GOLGA1: variants seen among roughly 807,000 people sequenced by gnomAD.
GOLGA1 encodes golgin A1.
Under a neutral mutation model 119.7 loss-of-function variants are expected in GOLGA1, and 63 were observed. The ratio of observed to expected loss-of-function variants is 0.53; its 90% CI spans 0.43 to 0.65. The LOEUF is 0.65. Ranked by LOEUF, GOLGA1 falls within the 30% of genes least tolerant of loss-of-function variation. The pLI is 0.00. For synonymous variants in GOLGA1, 318 were observed against 333.4 expected (o/e 0.95, Z 0.50); for missense variants, 798 against 912.8 (o/e 0.87, Z 1.62).
In GOLGA1 at chr9:124,918,003, C is replaced by G. The variant is rs533352669; in HGVS notation, c.843+3126G>C. Among the ~76,000 whole-genome samples the G allele has an allele frequency of 2.6e-5, 4 of 152,100 alleles. No homozygotes were observed. The East Asian group carries it at 7.7e-4, about 29-fold the overall frequency. ...AAGTAGCTGGGATTACAGGTGTGTGCCACCATGCCCAGCTAATTTTGTATT... is the reference window on the plus strand; with the variant it reads ...AAGTAGCTGGGATTACAGGTGTGTGGCACCATGCCCAGCTAATTTTGTATT... On this transcript the variant is annotated intron_variant, in intron 10 of 22. Coordinates refer to ENST00000373555, the MANE Select transcript of GOLGA1 (RefSeq NM_002077.4).
intron 4 of GOLGA1, among the ~76,000 whole-genome samples, chr9:124,929,976 T>C (rs947788111): frequency 7.2e-5 from 11 of 152,198 alleles, no homozygotes; most frequent in African/African-American, 2.7e-4. Flanking sequence ...AGTTTCTTCA[T>C]ATATTAAATG....
chr9:124,893,905 T>C (rs1727596609), intron 15 of GOLGA1, among the ~76,000 whole-genome samples: 1 of 152,204 alleles, frequency 6.6e-6, no homozygotes, highest in Non-Finnish European at 1.5e-5. Flanking sequence ...GGCCAGTTTT[T>C]CTGGGAGTCC....
At position 124,926,753 on chromosome 9, in the gene GOLGA1, C is replaced by A; in HGVS notation, c.400-12G>T. On this transcript the variant is annotated splice_polypyrimidine_tract_variant and intron_variant, in intron 6 of 22. Coordinates refer to ENST00000373555, the MANE Select transcript of GOLGA1 (RefSeq NM_002077.4). Reference sequence around the variant, plus strand: ...TTTTCTGACCATTCCTAAAACAAAACAATAAAAAAGTATGGTTTCCAGTGA... The same window carrying A: ...TTTTCTGACCATTCCTAAAACAAAAAAATAAAAAAGTATGGTTTCCAGTGA... The A allele has an allele frequency of 6.6e-7, 1 of 1,516,768 alleles. No individual in the cohort carries two copies. Among genetic ancestry groups the A allele is most frequent in the Non-Finnish European group, 9.1e-7 (1 of 1,104,468 alleles). 94.0% of individuals were successfully genotyped at this position (1,516,768 alleles called of 1,614,324 possible).
At chr9:124,883,795 G>A (rs1002760293) in intron 19 of GOLGA1, among the ~76,000 whole-genome samples, 4 of 151,208 alleles carry the variant, frequency 2.6e-5, no homozygotes, top group African/African-American at 4.9e-5. Flanking sequence ...TGCCCAGGCT[G>A]GATTCAGTCT....
chr9:124,912,059 G>A (rs1166873757), intron 10 of GOLGA1, 33 bp from the exon 11 acceptor site: 4 of 1,599,052 alleles, frequency 2.5e-6, no homozygotes, highest in Non-Finnish European at 3.4e-6. Flanking sequence ...CTCTATACTA[G>A]AAGCCCTCTC....
At chr9:124,913,342 C>T (rs994339594) in intron 10 of GOLGA1, among the ~76,000 whole-genome samples, 7 of 152,182 alleles carry the variant, frequency 4.6e-5, no homozygotes, top group African/African-American at 1.7e-4. Flanking sequence ...TGAGTTCTTA[C>T]ATCCCCACTG....
chr9:124,914,509 A>G (rs545542970), intron 10 of GOLGA1, among the ~76,000 whole-genome samples: 54 of 152,326 alleles, frequency 3.5e-4, no homozygotes, highest in Non-Finnish European at 6.8e-4. Context: ...CAAAGAAAAA[A>G]AAAAAGGAAA....
Position 124,888,144 on chromosome 9 carries a change from G to A in GOLGA1, c.1905+109C>T. The A allele has an allele frequency of 3.1e-6, 3 of 981,976 alleles. No homozygotes were observed. In the Admixed American group the frequency reaches 5.5e-5, roughly 18 times the overall value. 60.8% of individuals were successfully genotyped at this position (981,976 alleles called of 1,614,324 possible). On this transcript the variant is annotated intron_variant, in intron 19 of 22. Transcript: ENST00000373555. The surrounding 1 kb of genome is among the most constrained non-coding windows in gnomAD (Gnocchi z 4.4). ...TGGGTGAGAGGGGTCATGGTTGCCA[G>A]GAGGTGCGGGGGAAACCACAAAAAC...
intron 12 of GOLGA1, among the ~76,000 whole-genome samples, chr9:124,906,116 A>AAATAAATAAATAAAT (rs1397951241): frequency 6.9e-6 from 1 of 145,038 alleles, no homozygotes; most frequent in Non-Finnish European, 1.5e-5. Context: ...GTGTCTCCAA[A>AAATAAATAAATAAAT]AAATAAATAA....
upstream of GOLGA1, chr9:124,944,552 A>G (rs1480552022): frequency 2.0e-5 from 3 of 149,174 alleles, no homozygotes; most frequent in African/African-American, 7.4e-5. Flanking sequence ...CTCCTGAGTA[A>G]TAAAAATTCT....
At position 124,919,870 on chromosome 9, in the gene GOLGA1, C is replaced by T. The variant is rs192037809; in HGVS notation, c.843+1259G>A. ...CAATGCAATGGACAATCATACAATA[C>T]GAGTTGTTCTGCTCAAAATGCCAAT... On this transcript the variant is annotated intron_variant, in intron 10 of 22. Transcript: ENST00000373555. Among the ~76,000 whole-genome samples, 229 of 152,160 alleles carry T rather than the reference C, an allele frequency of 1.5e-3. 1 individual carries two copies. The highest frequency in any genetic ancestry group is 5.0e-3 in the South Asian group (24 of 4,820).
Position 124,881,128 on chromosome 9 carries a change from C to T in GOLGA1, c.2223+43G>A, listed in dbSNP as rs755615121. The T allele has an allele frequency of 4.8e-6, 5 of 1,039,234 alleles. No individual in the cohort carries two copies. Among genetic ancestry groups the T allele is most frequent in the Non-Finnish European group, 7.6e-6 (5 of 653,616 alleles). 64.4% of individuals were successfully genotyped at this position (1,039,234 alleles called of 1,614,324 possible). A position where few individuals can be genotyped will look rare whatever the true frequency, so the allele number is the denominator to read the frequency against. ...ACACTGCTACTGCTGGGATAACTGA[C>T]AACGTATCTTGGAAGCTGGAACAGT... On this transcript the variant is annotated intron_variant, in intron 22 of 22. Coordinates refer to ENST00000373555, the MANE Select transcript of GOLGA1 (RefSeq NM_002077.4). This position sits in a 1 kb window ranked among gnomAD's most constrained non-coding sequence, Gnocchi z 4.9.
At chr9:124,939,854 G>A (rs1327405550) in intron 2 of GOLGA1, among the ~76,000 whole-genome samples, 1 of 152,064 alleles carries the variant, frequency 6.6e-6, no homozygotes, top group East Asian at 1.9e-4. Flanking sequence ...AAGCCACTGC[G>A]CCCGGCCTCA....
chr9:124,905,173 A>T (rs1268406912), intron 12 of GOLGA1, among the ~76,000 whole-genome samples: 2 of 150,472 alleles, frequency 1.3e-5, no homozygotes, highest in East Asian at 1.9e-4. Flanking sequence ...AAATAAAATA[A>T]AAATAAATAA....
chr9:124,916,153 A>C, intron 10 of GOLGA1, among the ~76,000 whole-genome samples: 1 of 145,206 alleles, frequency 6.9e-6, no homozygotes, highest in Non-Finnish European at 1.5e-5. Flanking sequence ...TTATTTAAGT[A>C]AAAAAAAAAA....
intron 19 of GOLGA1, among the ~76,000 whole-genome samples, chr9:124,887,076 G>A (rs892752273): frequency 4.6e-5 from 7 of 152,204 alleles, no homozygotes; most frequent in African/African-American, 1.7e-4. Context: ...ACAGTCTGAG[G>A]AAAGGGAGAG....
intron 20 of GOLGA1, among the ~76,000 whole-genome samples, chr9:124,882,244 C>T (rs1247136105): frequency 2.0e-5 from 3 of 152,200 alleles, no homozygotes; most frequent in African/African-American, 7.2e-5. Flanking sequence ...AGCATCACTG[C>T]GCTGGCGTGG....
intron 3 of GOLGA1, among the ~76,000 whole-genome samples, chr9:124,937,578 C>G (rs1197754716): frequency 1.3e-5 from 2 of 151,088 alleles, no homozygotes; most frequent in Non-Finnish European, 2.9e-5. Flanking sequence ...ATGCAATGAG[C>G]TGAGATCATG....
chr9:124,901,234 G>C (rs1830098390), intron 12 of GOLGA1, among the ~76,000 whole-genome samples: 1 of 149,664 alleles, frequency 6.7e-6, no homozygotes, highest in Admixed American at 6.7e-5. Flanking sequence ...GCCTCCCAAA[G>C]TGCTGGGGCT....
Sources: allele counts gnomAD v4.1 joint callset (sites outside exome capture counted in the v4.1 genomes callset), GRCh38; gene constraint gnomAD v4.1.1; non-coding constraint Gnocchi (gnomAD v3.1); transcripts MANE v1.5; gene names NCBI Gene and HGNC (gene_info 2026-07-23, HGNC 2026-07-21).